The following CTNND2 variants were observed in gnomAD, a reference collection of about 807,000 sequenced individuals.
The protein encoded by CTNND2 is catenin delta 2.
CTNND2 carries 22 observed loss-of-function variants against 144.4 expected under a neutral mutation model. The ratio of observed to expected loss-of-function variants is 0.15; its 90% CI spans 0.11 to 0.22. CTNND2 has a LOEUF of 0.22. Among genes scored for constraint, CTNND2 ranks in the 10% least tolerant of loss-of-function variants. The pLI is 1.00. For missense variants in CTNND2, 1,353 were observed against 1,618.8 expected, an observed-to-expected ratio of 0.84 and a Z score of 2.82; for synonymous variants, 751 against 695.6, an observed-to-expected ratio of 1.08 and a Z score of -1.25.
intron 1 of CTNND2, among the ~76,000 whole-genome samples, chr5:11,742,663 G>A (rs1788082235): frequency 1.3e-5 from 2 of 151,854 alleles, no homozygotes; most frequent in African/African-American, 4.8e-5. Context: ...GAACATCCCA[G>A]GTATTGTTAT....
chr5:11,085,175 C>G (rs755907980), intron 15 of CTNND2, among the ~76,000 whole-genome samples: 31 of 152,020 alleles, frequency 2.0e-4, no homozygotes, highest in Admixed American at 3.9e-4. Context: ...TTGAGAGCAA[C>G]AATAACAAAA....
At chr5:11,768,688 T>C (rs929797014) in intron 1 of CTNND2, among the ~76,000 whole-genome samples, 2 of 152,174 alleles carry the variant, frequency 1.3e-5, no homozygotes, top group African/African-American at 2.4e-5. Context: ...CATCTTGTGA[T>C]CACATACTAT....
chr5:11,162,733 C>T (rs1038420426), intron 11 of CTNND2, among the ~76,000 whole-genome samples: 4 of 151,984 alleles, frequency 2.6e-5, no homozygotes, highest in Non-Finnish European at 5.9e-5. Context: ...TGCATGGGGT[C>T]GTCAAAATTT....
At chr5:11,125,976 A>G (rs1482791812) in intron 12 of CTNND2, among the ~76,000 whole-genome samples, 1 of 152,210 alleles carries the variant, frequency 6.6e-6, no homozygotes, top group Non-Finnish European at 1.5e-5. Context: ...GATGGTAGCT[A>G]CAGTTATTGA....
At position 11,135,696 on chromosome 5, in the gene CTNND2, G is replaced by A. The variant is rs553630725; in HGVS notation, c.2160-18129C>T. 9.2e-5 allele frequency among the ~76,000 whole-genome samples: 14 copies of A among 152,280 alleles called. 1 individual carries two copies. The South Asian group carries it at 2.5e-3, about 27-fold the overall frequency. On this transcript the variant is annotated intron_variant, in intron 12 of 21. Transcript: ENST00000304623. ...TCCAACTCCAAAGAAAATTAGGATCGCTGAAGTCTCTGAGTAGTGGTTTCC... is the reference window on the plus strand; with the variant it reads ...TCCAACTCCAAAGAAAATTAGGATCACTGAAGTCTCTGAGTAGTGGTTTCC...
At chr5:11,408,743 T>C (rs1761287495) in intron 5 of CTNND2, among the ~76,000 whole-genome samples, 1 of 152,104 alleles carries the variant, frequency 6.6e-6, no homozygotes, top group South Asian at 2.1e-4. Flanking sequence ...TGTAGGTAAT[T>C]TTTGAATACA....
At chr5:11,801,434 T>C (rs1471141221) in intron 1 of CTNND2, among the ~76,000 whole-genome samples, 2 of 152,186 alleles carry the variant, frequency 1.3e-5, no homozygotes, top group Admixed American at 6.5e-5. Flanking sequence ...TTTTCCTCAA[T>C]TGCAAATGAA....
chr5:11,055,666 A>G (rs1746280583), intron 16 of CTNND2, among the ~76,000 whole-genome samples: 2 of 152,142 alleles, frequency 1.3e-5, no homozygotes, highest in Non-Finnish European at 2.9e-5. Flanking sequence ...TAGTAGAGGG[A>G]TGGCCTGGAG....
intron 1 of CTNND2, among the ~76,000 whole-genome samples, chr5:11,895,934 T>C (rs527974033): frequency 6.6e-6 from 1 of 152,278 alleles, no homozygotes; most frequent in East Asian, 1.9e-4. Context: ...AAGTTTTATT[T>C]TTCTCATTAC....
rs563891853 is a variant in CTNND2, at chr5:11,400,602, A to C, written c.440-3399T>G. On this transcript the variant is annotated intron_variant, in intron 5 of 21. Transcript: ENST00000304623. Reference sequence around the variant, plus strand: ...TTTTCTTTGTTCTGAAACAAAACCTACTATCCTTAACTGGATAGAGAGAAG... The same window carrying C: ...TTTTCTTTGTTCTGAAACAAAACCTCCTATCCTTAACTGGATAGAGAGAAG... Among the ~76,000 whole-genome samples the C allele has an allele frequency of 1.5e-4, 23 of 152,334 alleles. No homozygotes were observed. In the South Asian group the frequency reaches 3.9e-3, roughly 26 times the overall value.
chr5:11,643,735 A>G (rs1408596569), intron 2 of CTNND2, among the ~76,000 whole-genome samples: 1 of 152,152 alleles, frequency 6.6e-6, no homozygotes, highest in African/African-American at 2.4e-5. Context: ...GTGAGAGACC[A>G]AAAAATAATT....
intron 1 of CTNND2, among the ~76,000 whole-genome samples, chr5:11,875,819 T>C (rs1735528313): frequency 6.6e-6 from 1 of 152,194 alleles, no homozygotes; most frequent in South Asian, 2.1e-4. Context: ...TTGAATAGAC[T>C]CAAGACTATA....
intron 9 of CTNND2, among the ~76,000 whole-genome samples, chr5:11,285,211 G>GC (rs1747601246): frequency 6.6e-6 from 1 of 152,068 alleles, no homozygotes; most frequent in Admixed American, 6.6e-5. Flanking sequence ...TCCCCTTGAG[G>GC]CCCCCTCTTG....
intron 9 of CTNND2, among the ~76,000 whole-genome samples, chr5:11,338,236 T>G (rs1344479133): frequency 6.6e-6 from 1 of 152,192 alleles, no homozygotes; most frequent in African/African-American, 2.4e-5. Flanking sequence ...TCTAGCTAGC[T>G]TGGATTTGGC....
intron 2 of CTNND2, among the ~76,000 whole-genome samples, chr5:11,721,402 A>T (rs182620903): frequency 2.5e-4 from 38 of 152,158 alleles, no homozygotes; most frequent in African/African-American, 8.9e-4. Flanking sequence ...CCCAGGCTAC[A>T]TAGAATCGTA....
At chr5:11,028,182 A>T in intron 16 of CTNND2, among the ~76,000 whole-genome samples, 1 of 152,120 alleles carries the variant, frequency 6.6e-6, no homozygotes, top group East Asian at 1.9e-4. Context: ...AAATGTCTCA[A>T]ACTGATTAGA....
chr5:11,499,292 T>C (rs545116009), intron 3 of CTNND2, among the ~76,000 whole-genome samples: 54 of 152,286 alleles, frequency 3.5e-4, no homozygotes, highest in Non-Finnish European at 6.6e-4. Flanking sequence ...ATAGCTCTGA[T>C]CTTGTCCACA....
intron 1 of CTNND2, among the ~76,000 whole-genome samples, chr5:11,768,339 G>A (rs956271200): frequency 6.6e-6 from 1 of 151,934 alleles, no homozygotes; most frequent in African/African-American, 2.4e-5. Context: ...ACCCAGGCTG[G>A]AGTGCAGTGG....
At chr5:11,624,896 CT>C in intron 2 of CTNND2, among the ~76,000 whole-genome samples, 1 of 152,040 alleles carries the variant, frequency 6.6e-6, no homozygotes, top group East Asian at 1.9e-4. Flanking sequence ...ATGCCAGGTA[CT>C]ATGCTTGAAG....
Sources: gnomAD v4.1 joint callset for allele counts (sites outside exome capture counted in the v4.1 genomes callset) on GRCh38, gnomAD v4.1.1 for gene constraint, MANE v1.5 for transcripts, NCBI Gene and HGNC (gene_info 2026-07-23, HGNC 2026-07-21) for gene names.